LRTM1: variants seen among roughly 807,000 people sequenced by gnomAD.
LRTM1 encodes leucine rich repeat transmembrane protein 1, also known as leucine-rich repeat and transmembrane domain-containing protein 1.
LRTM1 carries 38 observed loss-of-function variants against 32.4 expected under a neutral mutation model. That is an observed-to-expected ratio of 1.17 (90% CI 0.91 to 1.54). The LOEUF (loss-of-function observed/expected upper bound fraction) is 1.54, where lower values mean the gene tolerates loss of function less well. Among genes scored for constraint, LRTM1 ranks in the 40% most tolerant of loss-of-function variants. The pLI, the probability that LRTM1 is intolerant of heterozygous loss-of-function variation, is 0.00. For synonymous variants in LRTM1, 186 were observed against 169.9 expected (o/e 1.09, Z -0.74); for missense variants, 466 against 415.4 (o/e 1.12, Z -1.06).
intron 1 of LRTM1, among the ~76,000 whole-genome samples, chr3:54,951,506 A>G (rs1701755954): frequency 6.6e-6 from 1 of 152,140 alleles, no homozygotes; most frequent in African/African-American, 2.4e-5. Context: ...GAGTTGTAGG[A>G]TTTCAGTTAC....
chr3:54,945,017 A>G (rs1327231389), intron 1 of LRTM1, among the ~76,000 whole-genome samples: 1 of 152,124 alleles, frequency 6.6e-6, no homozygotes, highest in African/African-American at 2.4e-5. Flanking sequence ...ATCAATGAAA[A>G]CTTAGCCAAA....
At chr3:54,960,550 T>C (rs996882313) in intron 1 of LRTM1, among the ~76,000 whole-genome samples, 1 of 152,214 alleles carries the variant, frequency 6.6e-6, no homozygotes, top group African/African-American at 2.4e-5. Flanking sequence ...TTTACCAAGA[T>C]TATAACAAAT....
At chr3:54,937,550 G>A (rs540057267) in intron 1 of LRTM1, among the ~76,000 whole-genome samples, 8 of 152,270 alleles carry the variant, frequency 5.3e-5, no homozygotes, top group African/African-American at 1.9e-4. Context: ...TGTTGTGCAA[G>A]GGTCAACTGT....
chr3:54,940,536 A>G (rs959165320), intron 1 of LRTM1, among the ~76,000 whole-genome samples: 3 of 152,166 alleles, frequency 2.0e-5, no homozygotes, highest in Admixed American at 6.5e-5. Flanking sequence ...CTCTGACACC[A>G]GTCCGTAAAG....
At chr3:54,958,332 G>A (rs1205760028) in intron 1 of LRTM1, among the ~76,000 whole-genome samples, 1 of 152,170 alleles carries the variant, frequency 6.6e-6, no homozygotes, top group Non-Finnish European at 1.5e-5. Context: ...GTTGGAGGCT[G>A]CAGTGAGCTA....
intron 1 of LRTM1, among the ~76,000 whole-genome samples, chr3:54,940,599 G>T (rs777542251): frequency 6.6e-6 from 1 of 152,030 alleles, no homozygotes; most frequent in Non-Finnish European, 1.5e-5. Context: ...CTTGCTACAG[G>T]CTACTCCCAA....
intron 1 of LRTM1, among the ~76,000 whole-genome samples, chr3:54,951,282 A>C (rs1040136532): frequency 6.6e-6 from 1 of 152,204 alleles, no homozygotes; most frequent in Non-Finnish European, 1.5e-5. Context: ...ATCCTGCCAG[A>C]TACCTCTGTA....
At chr3:54,925,975 A>G (rs1251449960) in intron 1 of LRTM1, among the ~76,000 whole-genome samples, 1 of 152,110 alleles carries the variant, frequency 6.6e-6, no homozygotes, top group Non-Finnish European at 1.5e-5. Flanking sequence ...ATAAATACCC[A>G]TTTTCTATAA....
At chr3:54,927,760 C>T (rs1291174250) in intron 1 of LRTM1, 145 bp downstream of exon 1, 1 of 876,526 alleles carries the variant, frequency 1.1e-6, no homozygotes, top group African/African-American at 1.7e-5. Flanking sequence ...AAACATAAAT[C>T]ATTCCATGCA....
chr3:54,928,448 G>A (rs1363266460), upstream of LRTM1, among the ~76,000 whole-genome samples: 2 of 152,090 alleles, frequency 1.3e-5, no homozygotes, highest in East Asian at 3.9e-4. Context: ...CCTGGGGGTC[G>A]AGCAGCAGAG....
At chr3:54,954,458 A>G (rs1257842920) in intron 1 of LRTM1, among the ~76,000 whole-genome samples, 1 of 152,248 alleles carries the variant, frequency 6.6e-6, no homozygotes, top group Non-Finnish European at 1.5e-5. Context: ...GGTAGTTTCC[A>G]GAGTTAGACC....
intron 1 of LRTM1, among the ~76,000 whole-genome samples, chr3:54,951,782 G>A (rs549869850): frequency 5.3e-5 from 8 of 152,200 alleles, no homozygotes; most frequent in African/African-American, 7.2e-5. Context: ...AACACAGGGT[G>A]GGTTCCTGGC....
In LRTM1 at chr3:54,918,998, T is replaced by G. The variant is rs1180143331; in HGVS notation, c.605-106A>C. On this transcript the variant is annotated intron_variant, in intron 2 of 2. Transcript: ENST00000273286. ...GCAGATGGAATTTATGAAGTACCTT[T>G]TTTTTTTTTAAATCCTGGAGTCAAA... The G allele has an allele frequency of 6.9e-6, 4 of 583,244 alleles. No individual in the cohort carries two copies. The African/African-American group carries it at 1.5e-4, about 21-fold the overall frequency. 36.1% of individuals were successfully genotyped at this position (583,244 alleles called of 1,614,324 possible).
intron 1 of LRTM1, among the ~76,000 whole-genome samples, chr3:54,934,762 T>C (rs543562738): frequency 1.5e-4 from 23 of 152,276 alleles, no homozygotes; most frequent in African/African-American, 4.8e-4. Flanking sequence ...AGACAGAGTG[T>C]CACCTGTTGC....
intron 1 of LRTM1, among the ~76,000 whole-genome samples, chr3:54,962,978 A>G (rs1329086897): frequency 6.6e-6 from 1 of 152,180 alleles, no homozygotes; most frequent in Non-Finnish European, 1.5e-5. Context: ...CTAATTTTAT[A>G]TTTTGTGAGT....
At chr3:54,930,136 C>T (rs566491636), upstream of LRTM1, among the ~76,000 whole-genome samples, 2 of 152,288 alleles carry the variant, frequency 1.3e-5, no homozygotes, top group East Asian at 3.9e-4. Context: ...ACTTTATTTA[C>T]AAAAACAGGT....
chr3:54,955,055 G>C (rs559990105), intron 1 of LRTM1, among the ~76,000 whole-genome samples: 1 of 152,296 alleles, frequency 6.6e-6, no homozygotes, highest in Non-Finnish European at 1.5e-5. Flanking sequence ...AAAATCAACT[G>C]ACAAAAGACC....
chr3:54,932,915 A>T (rs1701227707), upstream of LRTM1, among the ~76,000 whole-genome samples: 1 of 152,222 alleles, frequency 6.6e-6, no homozygotes, highest in African/African-American at 2.4e-5. Context: ...TTAGAAAGAA[A>T]GTTTGACATT....
At chr3:54,944,242 A>C (rs1301864403) in intron 1 of LRTM1, among the ~76,000 whole-genome samples, 1 of 152,122 alleles carries the variant, frequency 6.6e-6, no homozygotes, top group Non-Finnish European at 1.5e-5. Flanking sequence ...CTTTTGCTTT[A>C]GAAATGCATA....
Sources: gnomAD v4.1 joint callset for allele counts (sites outside exome capture counted in the v4.1 genomes callset) on GRCh38, gnomAD v4.1.1 for gene constraint, MANE v1.5 for transcripts, NCBI Gene and HGNC (gene_info 2026-07-23, HGNC 2026-07-21) for gene names.